Variants in KCNMA1 observed in about 807,000 individuals in gnomAD.
KCNMA1 encodes the protein potassium calcium-activated channel subfamily M alpha 1.
In KCNMA1, 29 loss-of-function variants were observed where a neutral mutation model predicts 140.0. That is an observed-to-expected ratio of 0.21 (90% confidence interval 0.15 to 0.28). The LOEUF (loss-of-function observed/expected upper bound fraction) is 0.28. KCNMA1 is among the 10% of genes least tolerant of loss of function. The pLI is 1.00. For synonymous variants in KCNMA1, 612 were observed against 611.9 expected, an observed-to-expected ratio of 1.00 and a Z score of 0.00; for missense variants, 880 against 1,602.2, an observed-to-expected ratio of 0.55 and a Z score of 7.70.
chr10:77,280,710 G>A (rs919694943), intron 2 of KCNMA1, among the ~76,000 whole-genome samples: 4 of 147,988 alleles, frequency 2.7e-5, no homozygotes, highest in Non-Finnish European at 3.0e-5. Flanking sequence ...TTTTTTTCAG[G>A]TATAGGCAGA....
chr10:77,268,858 CA>C (rs1417259600), intron 2 of KCNMA1, among the ~76,000 whole-genome samples: 2 of 152,244 alleles, frequency 1.3e-5, no homozygotes, highest in East Asian at 3.9e-4. Flanking sequence ...TTAGTGCGCA[CA>C]GTGATTTAAT....
intron 1 of KCNMA1, among the ~76,000 whole-genome samples, chr10:77,412,414 G>T (rs1390261048): frequency 2.0e-5 from 3 of 152,164 alleles, no homozygotes; most frequent in Non-Finnish European, 4.4e-5. Flanking sequence ...AACTGACCCA[G>T]CAGCCCCACA....
At chr10:77,547,538 C>T (rs1228481820) in intron 1 of KCNMA1, among the ~76,000 whole-genome samples, 1 of 152,224 alleles carries the variant, frequency 6.6e-6, no homozygotes, top group Non-Finnish European at 1.5e-5. Context: ...CAACCGGGCC[C>T]ACCTCTGTGT....
At chr10:77,587,212 C>T (rs1220727113) in intron 1 of KCNMA1, 1 of 151,964 alleles carries the variant, frequency 6.6e-6, no homozygotes, top group South Asian at 2.1e-4. Context: ...CTTCCCACCA[C>T]GTGAGGCCGT....
chr10:77,259,809 C>T (rs2061574644), intron 2 of KCNMA1, among the ~76,000 whole-genome samples: 1 of 152,324 alleles, frequency 6.6e-6, no homozygotes, highest in South Asian at 2.1e-4. Flanking sequence ...TGTCTTTGTG[C>T]AATCATTTTG....
At chr10:76,933,349 T>C (rs1428305476) in intron 23 of KCNMA1, among the ~76,000 whole-genome samples, 2 of 152,218 alleles carry the variant, frequency 1.3e-5, no homozygotes, top group Non-Finnish European at 2.9e-5. Flanking sequence ...GAAAGATTTC[T>C]GGCAGTTGGC....
intron 5 of KCNMA1, among the ~76,000 whole-genome samples, chr10:77,127,138 C>G (rs1008228876): frequency 7.3e-5 from 11 of 150,274 alleles, no homozygotes; most frequent in Non-Finnish European, 1.5e-4. Context: ...TATAGTGTTA[C>G]TATTATTTTA....
At chr10:77,052,742 G>C (rs1802966736) in intron 14 of KCNMA1, among the ~76,000 whole-genome samples, 1 of 152,162 alleles carries the variant, frequency 6.6e-6, no homozygotes, top group Admixed American at 6.5e-5. Context: ...CCTGGTCAGA[G>C]TCTTCAGCTA....
At chr10:77,627,596 G>A (rs563998061) in intron 1 of KCNMA1, among the ~76,000 whole-genome samples, 11 of 152,290 alleles carry the variant, frequency 7.2e-5, no homozygotes, top group African/African-American at 2.4e-4. Context: ...ACAAGTTAAG[G>A]TTAAGGTCAT....
At chr10:77,129,059 G>A (rs1480540465) in intron 5 of KCNMA1, among the ~76,000 whole-genome samples, 1 of 152,204 alleles carries the variant, frequency 6.6e-6, no homozygotes, top group Admixed American at 6.5e-5. Context: ...GATTCAACGG[G>A]TCTGGGATAC....
chr10:77,622,988 G>C (rs986193960), intron 1 of KCNMA1, among the ~76,000 whole-genome samples: 1 of 152,160 alleles, frequency 6.6e-6, no homozygotes, highest in Non-Finnish European at 1.5e-5. Context: ...AAGGAACATG[G>C]GTGAACAGGC....
chr10:77,215,632 G>A (rs2047498627), intron 3 of KCNMA1, among the ~76,000 whole-genome samples: 1 of 152,092 alleles, frequency 6.6e-6, no homozygotes, highest in Admixed American at 6.5e-5. Flanking sequence ...AATAAACTTA[G>A]CTGAAAGCTA....
At chr10:76,877,704 C>T, downstream of KCNMA1, 2 of 1,544,698 alleles carry the variant, frequency 1.3e-6, no homozygotes, top group Non-Finnish European at 1.8e-6. Context: ...TGAAGTTTGT[C>T]AGGCTTTAAA....
rs368805491 is a variant in KCNMA1 at position 77,472,299 on chromosome 10, TCA to T, written c.379-68278_379-68277del. ...ACACTATGCACATGTCACACACACA[TCA>T]CACACACACAGAGAGCGTACATACT... On this transcript the variant is annotated intron_variant, in intron 1 of 27. Transcript: ENST00000286628. Among the ~76,000 whole-genome samples the T allele has an allele frequency of 6.6e-5, 7 of 105,814 alleles. No homozygotes were observed. In the East Asian group the frequency reaches 1.9e-3, roughly 29 times the overall value. The allele number at this position is 105,814 out of a possible 152,430, so 69.4% of individuals were successfully genotyped here.
intron 2 of KCNMA1, among the ~76,000 whole-genome samples, chr10:77,301,624 C>G (rs2076546418): frequency 6.6e-6 from 1 of 151,956 alleles, no homozygotes; most frequent in Non-Finnish European, 1.5e-5. Context: ...ATACACATGA[C>G]TCATTTCACC....
intron 17 of KCNMA1, chr10:77,012,500 C>G: frequency 6.5e-7 from 1 of 1,550,258 alleles, no homozygotes; most frequent in Non-Finnish European, 8.7e-7. Flanking sequence ...AAATATCAAG[C>G]TTGTCACTCT....
chr10:77,441,115 G>T (rs533756396), intron 1 of KCNMA1, among the ~76,000 whole-genome samples: 2 of 152,160 alleles, frequency 1.3e-5, no homozygotes, highest in South Asian at 2.1e-4. Context: ...GAGCCACCGC[G>T]CCCGGCCAAG....
intron 1 of KCNMA1, among the ~76,000 whole-genome samples, chr10:77,572,605 A>ATATATATATATATATATAT (rs2072036710): frequency 9.6e-5 from 4 of 41,846 alleles, no homozygotes; most frequent in Non-Finnish European, 1.4e-4. Context: ...TATATATATA[A>ATATATATATATATATATAT]ATTAGCTGGG....
intron 3 of KCNMA1, among the ~76,000 whole-genome samples, chr10:77,210,074 T>A (rs1456269307): frequency 6.6e-6 from 1 of 152,112 alleles, no homozygotes; most frequent in Non-Finnish European, 1.5e-5. Flanking sequence ...GAAGCCAGCA[T>A]CATCTTTATA....
Sources: allele counts gnomAD v4.1 joint callset (sites outside exome capture counted in the v4.1 genomes callset), GRCh38; gene constraint gnomAD v4.1.1; transcripts MANE v1.5; gene names NCBI Gene and HGNC (gene_info 2026-07-23, HGNC 2026-07-21).